RGS8: variants seen among roughly 807,000 people sequenced by gnomAD.
RGS8 encodes regulator of G-protein signaling 8.
RGS8 carries 8 observed loss-of-function variants against 21.7 expected under a neutral mutation model. That is an observed-to-expected ratio of 0.37 (90% CI 0.22 to 0.66). The LOEUF (loss-of-function observed/expected upper bound fraction) is 0.66, where lower values mean the gene tolerates loss of function less well. Among genes scored for constraint, RGS8 ranks in the 30% least tolerant of loss-of-function variants. RGS8 has a pLI of 0.59. For synonymous variants in RGS8, 80 were observed against 83.6 expected, an observed-to-expected ratio of 0.96 and a Z score of 0.24; for missense variants, 157 against 217.9, an observed-to-expected ratio of 0.72 and a Z score of 1.76.
chr1:182,681,368 A>G (rs1029509535), intron 1 of RGS8, among the ~76,000 whole-genome samples: 1 of 152,200 alleles, frequency 6.6e-6, no homozygotes, highest in African/African-American at 2.4e-5. Context: ...TTGCCATCAG[A>G]GTCTACAGCT....
At chr1:182,751,743 A>G in the RGS8 span, among the ~76,000 whole-genome samples, 1 of 152,238 alleles carries the variant, frequency 6.6e-6, no homozygotes, top group Non-Finnish European at 1.5e-5. Context: ...AAGATATACC[A>G]TATACATAAT....
chr1:182,737,904 G>A, the RGS8 span, among the ~76,000 whole-genome samples: 1 of 152,216 alleles, frequency 6.6e-6, no homozygotes, highest in African/African-American at 2.4e-5. Flanking sequence ...TTTGGAAGCA[G>A]TTGAACTTGG....
the RGS8 span, among the ~76,000 whole-genome samples, chr1:182,738,873 G>A: frequency 6.6e-6 from 1 of 152,186 alleles, no homozygotes; most frequent in African/African-American, 2.4e-5. Flanking sequence ...GAGCTGGGGA[G>A]GCAGTTTCAG....
At chr1:182,706,734 G>A in the RGS8 span, among the ~76,000 whole-genome samples, 4 of 152,106 alleles carry the variant, frequency 2.6e-5, no homozygotes, top group African/African-American at 9.6e-5. Flanking sequence ...CCAAGGTGCT[G>A]GGATTACAGG....
chr1:182,657,522 GCCCAGGCAACTGAAGTCCCCCCGC>G (rs1320540430), intron 5 of RGS8, among the ~76,000 whole-genome samples: 1 of 151,906 alleles, frequency 6.6e-6, no homozygotes, highest in African/African-American at 2.4e-5. Flanking sequence ...CCCTCCCCAA[GCCCAGGCAACTGAAGTCCCCCCGC>G]CCCAGTTTCC....
intron 5 of RGS8, among the ~76,000 whole-genome samples, chr1:182,656,764 C>G (rs1663299913): frequency 6.6e-6 from 1 of 152,184 alleles, no homozygotes; most frequent in South Asian, 2.1e-4. Context: ...CTCATGGGCC[C>G]TTCCTGGGAG....
In RGS8 at chr1:182,682,235, A is replaced by T. The variant is rs146816515; in HGVS notation, n.221+2121T>A. On this transcript the variant is annotated intron_variant and non_coding_transcript_variant, in intron 1 of 4. Coordinates refer to the RGS8 transcript ENST00000515211. ...TGTGAGTTTTGTTACTTATAATCAC[A>T]AGTCACAAGTTGGAGCTGGGATTGA... 6.2e-3 allele frequency among the ~76,000 whole-genome samples: 947 copies of T among 152,326 alleles called. 10 individuals are homozygous for T. Among genetic ancestry groups the T allele is most frequent in the Middle Eastern group, 0.02 (6 of 294 alleles).
At chr1:182,731,677 G>A in the RGS8 span, among the ~76,000 whole-genome samples, 1 of 152,176 alleles carries the variant, frequency 6.6e-6, no homozygotes, top group South Asian at 2.1e-4. Flanking sequence ...GGCCATTTAG[G>A]TGGTTTAGAA....
At chr1:182,740,885 C>A in the RGS8 span, among the ~76,000 whole-genome samples, 5 of 152,142 alleles carry the variant, frequency 3.3e-5, no homozygotes, top group Non-Finnish European at 7.4e-5. Flanking sequence ...GGTCACCTAT[C>A]AACAGGATCC....
At chr1:182,715,573 G>C in the RGS8 span, among the ~76,000 whole-genome samples, 3 of 152,248 alleles carry the variant, frequency 2.0e-5, no homozygotes, top group Non-Finnish European at 4.4e-5. Flanking sequence ...CAGATTGTGG[G>C]GCTCTATCCC....
the RGS8 span, among the ~76,000 whole-genome samples, chr1:182,705,979 TTTTC>T: frequency 6.6e-6 from 1 of 152,126 alleles, no homozygotes; most frequent in Non-Finnish European, 1.5e-5. Flanking sequence ...GCAACTTTTT[TTTTC>T]TTTATTTTTT....
chr1:182,682,673 C>G (rs995450467), intron 1 of RGS8, among the ~76,000 whole-genome samples: 2 of 152,164 alleles, frequency 1.3e-5, no homozygotes, highest in Admixed American at 1.3e-4. Flanking sequence ...GTGGAGGGCC[C>G]AGGGTAATTC....
At chr1:182,706,009 G>T in the RGS8 span, among the ~76,000 whole-genome samples, 1 of 152,046 alleles carries the variant, frequency 6.6e-6, no homozygotes, top group African/African-American at 2.4e-5. Context: ...TGGAGACAGG[G>T]TCTCATTTTG....
chr1:182,694,102 G>A, the RGS8 span, among the ~76,000 whole-genome samples: 4 of 150,762 alleles, frequency 2.7e-5, no homozygotes, highest in African/African-American at 4.9e-5. Context: ...ATAAACCTTC[G>A]CATGTACCCC....
At chr1:182,664,826 T>C (rs1212561448) in intron 5 of RGS8, among the ~76,000 whole-genome samples, 2 of 152,366 alleles carry the variant, frequency 1.3e-5, no homozygotes, top group East Asian at 3.9e-4. Context: ...GATTTTGCAT[T>C]TCATTCTAAA....
At chr1:182,722,590 G>T in the RGS8 span, among the ~76,000 whole-genome samples, 2 of 151,982 alleles carry the variant, frequency 1.3e-5, no homozygotes, top group Non-Finnish European at 2.9e-5. Flanking sequence ...AGTCCTCGGG[G>T]TTACTTGGCT....
At chr1:182,714,673 G>C in the RGS8 span, 1 of 152,196 alleles carries the variant, frequency 6.6e-6, no homozygotes, top group Non-Finnish European at 1.5e-5. Context: ...TGAATGAATT[G>C]CTATATGGGC....
chr1:182,721,994 G>A, the RGS8 span, among the ~76,000 whole-genome samples: 1 of 152,300 alleles, frequency 6.6e-6, no homozygotes, highest in East Asian at 1.9e-4. Flanking sequence ...CTTCTATGAT[G>A]GAGATCGGCA....
chr1:182,745,013 A>G, the RGS8 span, among the ~76,000 whole-genome samples: 3 of 152,200 alleles, frequency 2.0e-5, no homozygotes, highest in Non-Finnish European at 1.5e-5. Context: ...GAAATTATAC[A>G]TATATGGTCT....
Sources: gnomAD v4.1 joint callset for allele counts (sites outside exome capture counted in the v4.1 genomes callset) on GRCh38, gnomAD v4.1.1 for gene constraint, MANE v1.5 for transcripts, NCBI Gene and HGNC (gene_info 2026-07-23, HGNC 2026-07-21) for gene names.